TP73: variants seen among roughly 807,000 people sequenced by gnomAD.
TP73 encodes the protein tumor protein p73.
Under a neutral mutation model 62.5 loss-of-function variants are expected in TP73, and 25 were observed. The ratio of observed to expected loss-of-function variants is 0.40; its 90% confidence interval spans 0.29 to 0.56. TP73 has a LOEUF of 0.56. TP73 is among the 20% of genes least tolerant of loss of function. TP73 has a pLI of 0.46. For synonymous variants in TP73, 423 were observed against 377.5 expected (o/e 1.12, Z -1.40); for missense variants, 754 against 913.3 (o/e 0.83, Z 2.25).
intron 3 of TP73, chr1:3,690,579 C>T (rs894783743): frequency 4.0e-5 from 47 of 1,186,122 alleles, no homozygotes; most frequent in Admixed American, 1.2e-4. Flanking sequence ...CTCCTTGGTG[C>T]GGTCCAACAC....
At chr1:3,654,528 T>A (rs1644825693) in intron 1 of TP73, among the ~76,000 whole-genome samples, 2 of 152,200 alleles carry the variant, frequency 1.3e-5, no homozygotes. Flanking sequence ...AGGTTACCCA[T>A]CTGCAGAGTC....
Position 3,729,645 on chromosome 1 carries a change from G to A in TP73, c.1196+197G>A, listed in dbSNP as rs768158520. 3.0e-6 allele frequency: 3 copies of A among 1,013,964 alleles called. No individual in the cohort carries two copies. The South Asian group carries it at 4.0e-5, about 13-fold the overall frequency. The allele number at this position is 1,013,964 out of a possible 1,614,324, so 62.8% of individuals were successfully genotyped here. A position where few individuals can be genotyped will look rare whatever the true frequency, so the allele number is the denominator to read the frequency against. ...CACTTGGGGCTGCCCTGGGACCCTG[G>A]GTCATGGCCCTTGCTATGCCTCTGC... On this transcript the variant is annotated intron_variant, in intron 10 of 13. Transcript: ENST00000378295.
intron 1 of TP73, among the ~76,000 whole-genome samples, chr1:3,657,805 C>T (rs1644897140): frequency 6.6e-6 from 1 of 152,208 alleles, no homozygotes; most frequent in South Asian, 2.1e-4. Context: ...GGCGCCTCCT[C>T]CACAGCCCCT....
intron 3 of TP73, among the ~76,000 whole-genome samples, chr1:3,697,342 C>T (rs1031225598): frequency 1.3e-5 from 2 of 152,248 alleles, no homozygotes; most frequent in Admixed American, 1.3e-4. Flanking sequence ...CCCTGGGCTC[C>T]GTCTCTCCCT....
rs1638963637 is a variant in TP73, at chr1:3,699,379, A to G, written c.187-8170A>G. Reference sequence around the variant, plus strand: ...GAGCGGCATACTCTCAAAAAACCACAACAGTCTGGTCTCAATATTCTCCAG... The same window carrying G: ...GAGCGGCATACTCTCAAAAAACCACGACAGTCTGGTCTCAATATTCTCCAG... On this transcript the variant is annotated intron_variant, in intron 3 of 13. Coordinates refer to ENST00000378295, the MANE Select transcript of TP73 (RefSeq NM_005427.4). The surrounding 1 kb of genome is among the most constrained non-coding windows in gnomAD (Gnocchi z 4.1). Among the ~76,000 whole-genome samples, 1 of 152,096 alleles carries G rather than the reference A, an allele frequency of 6.6e-6. No individual in the cohort carries two copies. Among genetic ancestry groups the G allele is most frequent in the South Asian group, 2.1e-4 (1 of 4,824 alleles).
rs187872658 is a variant in TP73 at position 3,707,820 on chromosome 1, G to A, written c.429+29G>A. On this transcript the variant is annotated intron_variant, in intron 4 of 13. Transcript: ENST00000378295. ...AGTTCCCCTAGTCCCTGAGGGCTGC[G>A]GGCTGCGGGCTGCGGGCTGGAGAGG... 6,946 of 1,592,972 alleles carry A rather than the reference G, an allele frequency of 4.4e-3. 25 individuals carry two copies. Among genetic ancestry groups the A allele is most frequent in the Non-Finnish European group, 5.4e-3 (6,320 of 1,170,208 alleles).
chr1:3,663,249 G>A lies in TP73; in HGVS notation c.-34+10608G>A, dbSNP rs964733988. Among the ~76,000 whole-genome samples, 1 of 152,178 alleles carries A rather than the reference G, an allele frequency of 6.6e-6. No homozygotes were observed. Among genetic ancestry groups the A allele is most frequent in the Non-Finnish European group, 1.5e-5 (1 of 68,040 alleles). On this transcript the variant is annotated intron_variant, in intron 1 of 13. Transcript: ENST00000378295. This position sits in a 1 kb window ranked among gnomAD's most constrained non-coding sequence, Gnocchi z 4.7. Reference sequence around the variant, plus strand: ...AGGACCCTCTGCCTATCACGAGCCTGGTGGCTGCCGTACCAGTAATGAAAG... The same window carrying A: ...AGGACCCTCTGCCTATCACGAGCCTAGTGGCTGCCGTACCAGTAATGAAAG...
intron 1 of TP73, among the ~76,000 whole-genome samples, chr1:3,674,696 G>A (rs1645323126): frequency 6.6e-6 from 1 of 152,238 alleles, no homozygotes; most frequent in South Asian, 2.1e-4. Context: ...GGGGACCCCT[G>A]TCCTTGGCCC....
chr1:3,693,693 C>T (rs867441903), intron 3 of TP73, among the ~76,000 whole-genome samples: 85 of 148,682 alleles, frequency 5.7e-4, no homozygotes, highest in Middle Eastern at 3.6e-3. Flanking sequence ...CTCCCACAAT[C>T]CCACCCATGC....
At chr1:3,707,447 G>A in intron 3 of TP73, 102 bp from the exon 4 acceptor site, 1 of 1,482,570 alleles carries the variant, frequency 6.7e-7, no homozygotes, top group Non-Finnish European at 9.1e-7. Flanking sequence ...GATGACTGGA[G>A]CCGCTGGCCC....
chr1:3,713,083 T>TG (rs71580218), intron 4 of TP73, among the ~76,000 whole-genome samples: 2 of 152,266 alleles, frequency 1.3e-5, no homozygotes, highest in Admixed American at 6.5e-5. Context: ...GAATGGGGTG[T>TG]GGGGGGAGCC....
At chr1:3,700,443 C>T (rs902742087) in intron 3 of TP73, among the ~76,000 whole-genome samples, 13 of 147,000 alleles carry the variant, frequency 8.8e-5, no homozygotes, top group East Asian at 4.1e-4. Context: ...TACCGGGAAG[C>T]GAGAGGAGTG....
At chr1:3,709,808 T>C (rs1639981312) in intron 4 of TP73, among the ~76,000 whole-genome samples, 1 of 152,218 alleles carries the variant, frequency 6.6e-6, no homozygotes, top group African/African-American at 2.4e-5. Flanking sequence ...AGGCAGCTTG[T>C]GGGAGCTCTG....
chr1:3,697,958 C>A, intron 3 of TP73: 4 of 424,904 alleles, frequency 9.4e-6, no homozygotes, highest in Non-Finnish European at 1.3e-5. Flanking sequence ...TGGCACGCCC[C>A]GTGACTGCCT....
Position 3,670,400 on chromosome 1 carries a change from C to T in TP73, c.-33-11933C>T, listed in dbSNP as rs1570389889. ...GGGAAGAAGGCCAGGCGTGGTGGCT[C>T]ACATCTGTAATCCCAGCACTCTGGG... On this transcript the variant is annotated intron_variant, in intron 1 of 13. Coordinates refer to ENST00000378295, the MANE Select transcript of TP73 (RefSeq NM_005427.4). The surrounding 1 kb of genome is among the most constrained non-coding windows in gnomAD (Gnocchi z 5.9). Among the ~76,000 whole-genome samples the T allele has an allele frequency of 6.6e-6, 1 of 152,156 alleles. No individual in the cohort carries two copies. Among genetic ancestry groups the T allele is most frequent in the Admixed American group, 6.5e-5 (1 of 15,272 alleles).
intron 3 of TP73, among the ~76,000 whole-genome samples, chr1:3,687,916 G>A (rs558047344): frequency 2.2e-4 from 34 of 152,258 alleles, no homozygotes; most frequent in South Asian, 8.3e-4. Context: ...CAGAACCTTC[G>A]GACACTTGGG....
At chr1:3,722,326 C>A in intron 5 of TP73, 119 bp downstream of exon 5, 1 of 1,246,704 alleles carries the variant, frequency 8.0e-7, no homozygotes, top group Non-Finnish European at 1.1e-6. Flanking sequence ...AGCCATTCCC[C>A]TGCGGAGGGC....
intron 3 of TP73, among the ~76,000 whole-genome samples, chr1:3,694,836 G>GA (rs1638467127): frequency 4.7e-5 from 2 of 42,600 alleles, no homozygotes; most frequent in Admixed American, 2.6e-4. Context: ...TGCAGCCTCA[G>GA]CCCCTCCTCC....
chr1:3,655,109 A>G (rs1380502730), intron 1 of TP73, among the ~76,000 whole-genome samples: 1 of 152,220 alleles, frequency 6.6e-6, no homozygotes, highest in East Asian at 1.9e-4. Flanking sequence ...CTTTAAGGCC[A>G]GGCGCCGTGG....
Sources: gnomAD v4.1 joint callset for allele counts (sites outside exome capture counted in the v4.1 genomes callset) on GRCh38, gnomAD v4.1.1 for gene constraint, Gnocchi (gnomAD v3.1) non-coding constraint, MANE v1.5 for transcripts, NCBI Gene and HGNC (gene_info 2026-07-23, HGNC 2026-07-21) for gene names.